DYSF: variants seen among roughly 807,000 people sequenced by gnomAD.
DYSF encodes the protein dystrophy-associated fer-1-like 1.
DYSF carries 212 observed loss-of-function variants against 274.9 expected under a neutral mutation model. That is an observed-to-expected ratio of 0.77 (90% CI 0.69 to 0.86). The LOEUF is 0.86. DYSF is among the 40% of genes least tolerant of loss of function. The probability of loss-of-function intolerance (pLI) is 0.00; values close to 1 mark genes in which losing one functional copy is unlikely to be tolerated. For synonymous variants in DYSF, 1,091 were observed against 1,078.7 expected, an observed-to-expected ratio of 1.01 and a Z score of -0.22; for missense variants, 2,666 against 2,783.2, an observed-to-expected ratio of 0.96 and a Z score of 0.95.
At chr2:71,664,159 G>C in intron 45 of DYSF, 109 bp from the exon 46 acceptor site, 1 of 1,392,990 alleles carries the variant, frequency 7.2e-7, no homozygotes, top group African/African-American at 1.4e-5. Context: ...GATCTGTAGG[G>C]GGCCCAAGGA....
intron 1 of DYSF, among the ~76,000 whole-genome samples, chr2:71,478,320 T>C (rs1443253007): frequency 1.3e-5 from 2 of 151,748 alleles, no homozygotes; most frequent in Non-Finnish European, 2.9e-5. Flanking sequence ...CACGCCATTC[T>C]CCTGCCTCAG....
Position 71,664,403 on chromosome 2 carries a change from T to G in DYSF, c.5139T>G (p.Phe1713Leu), listed in dbSNP as rs1305077427. 5.6e-6 allele frequency: 9 copies of G among 1,614,140 alleles called. No individual in the cohort carries two copies. Among genetic ancestry groups the G allele is most frequent in the Non-Finnish European group, 7.6e-6 (9 of 1,180,008 alleles). The change falls in exon 46 of 56, where the codon TTT becomes TTG. Residue 1713 changes from phenylalanine to leucine, a missense_variant. Transcript: ENST00000410020. ...TGGAGAACAGGCTGCTGTCCAAGTT[T>G]GGGGCTCGCTGTGGACTCCCACAGA... ...VDLENRLLSK[F>L]GARCGLPQTY...
chr2:71,639,043 C>G (rs2094449524), intron 41 of DYSF, among the ~76,000 whole-genome samples: 1 of 152,158 alleles, frequency 6.6e-6, no homozygotes, highest in Admixed American at 6.5e-5. Context: ...GAAGTGGTTT[C>G]TCATTGAGGT....
intron 3 of DYSF, among the ~76,000 whole-genome samples, chr2:71,486,026 C>A (rs1192492010): frequency 6.6e-6 from 1 of 152,170 alleles, no homozygotes; most frequent in Non-Finnish European, 1.5e-5. Flanking sequence ...CCCTCCAGTC[C>A]TGCCTGTTGG....
At chr2:71,656,368 G>T (rs912817496) in intron 43 of DYSF, 78 bp downstream of exon 43, 2 of 1,589,524 alleles carry the variant, frequency 1.3e-6, no homozygotes, top group Non-Finnish European at 1.7e-6. Flanking sequence ...GGGAGGGGTC[G>T]TACCTACACT....
chr2:71,520,768 AG>A lies in DYSF; in HGVS notation c.1034-20del. On this transcript the variant is annotated intron_variant, in intron 11 of 55. Transcript: ENST00000410020. ...GGGGTCTTCTGATTCTGGGATCACC[AG>A]AGGATGTTGTCTCTCTTAGGGCACG... 1 of 1,610,188 alleles carries A rather than the reference AG, an allele frequency of 6.2e-7. No homozygotes were observed. Among genetic ancestry groups the A allele is most frequent in the African/African-American group, 1.3e-5 (1 of 74,932 alleles).
chr2:71,493,015 G>T (rs908408667), intron 3 of DYSF, among the ~76,000 whole-genome samples: 2 of 151,814 alleles, frequency 1.3e-5, no homozygotes, highest in African/African-American at 4.8e-5. Flanking sequence ...CCAAGTAGCT[G>T]GGACCACAGG....
chr2:71,576,320 CAAG>C (rs1274019856), intron 30 of DYSF: 1 of 152,392 alleles, frequency 6.6e-6, no homozygotes, highest in Non-Finnish European at 1.5e-5. Context: ...GAGTTGTTGA[CAAG>C]AAGAGTGCTC....
chr2:71,610,941 C>T (rs1238392931), intron 36 of DYSF: 3 of 438,558 alleles, frequency 6.8e-6, no homozygotes, highest in Non-Finnish European at 1.3e-5. Flanking sequence ...AGGGGCAGAC[C>T]CGGAGCAGCT....
At chr2:71,495,212 C>T (rs1339638071) in intron 3 of DYSF, among the ~76,000 whole-genome samples, 1 of 152,248 alleles carries the variant, frequency 6.6e-6, no homozygotes, top group East Asian at 1.9e-4. Flanking sequence ...CCAGTACCTA[C>T]AACCGTACCT....
At chr2:71,591,714 C>G (rs1029265148) in intron 32 of DYSF, among the ~76,000 whole-genome samples, 1 of 152,248 alleles carries the variant, frequency 6.6e-6, no homozygotes, top group Admixed American at 6.5e-5. Context: ...GAGTGACTTC[C>G]TGGTCACAGC....
chr2:71,567,381 A>G (rs1362397871), intron 24 of DYSF, among the ~76,000 whole-genome samples: 2 of 152,222 alleles, frequency 1.3e-5, no homozygotes, highest in African/African-American at 4.8e-5. Context: ...GTATCATTGT[A>G]TCTCCTTTAG....
At chr2:71,637,102 C>T (rs72904606) in intron 41 of DYSF, among the ~76,000 whole-genome samples, 4,049 of 152,112 alleles carry the variant, frequency 0.027, 151 homozygotes, top group African/African-American at 0.087. Flanking sequence ...TATAAAGGGG[C>T]GAAGGTAATG....
chr2:71,660,431 C>T, intron 44 of DYSF, 129 bp from the exon 45 acceptor site: 1 of 786,238 alleles, frequency 1.3e-6, no homozygotes, highest in Non-Finnish European at 2.2e-6. Context: ...CCTGTCTTGG[C>T]AGGACACAGC....
intron 3 of DYSF, 85 bp downstream of exon 3, chr2:71,482,055 A>T: frequency 1.8e-6 from 2 of 1,139,122 alleles, no homozygotes; most frequent in South Asian, 1.3e-5. Context: ...CCCAGGCCCC[A>T]GGGAGCTGGG....
intron 36 of DYSF, among the ~76,000 whole-genome samples, chr2:71,605,313 C>A (rs2152864984): frequency 6.6e-6 from 1 of 152,312 alleles, no homozygotes; most frequent in South Asian, 2.1e-4. Context: ...GGAATGAGTT[C>A]AAAGAAACTG....
chr2:71,469,438 T>C (rs184461962), intron 1 of DYSF, among the ~76,000 whole-genome samples: 3 of 137,818 alleles, frequency 2.2e-5, no homozygotes, highest in African/African-American at 7.9e-5. Context: ...CCAGGTGTTT[T>C]GAATGTGCAG....
chr2:71,555,983 G>C lies in DYSF; in HGVS notation c.2128G>C (p.Val710Leu). The change falls in exon 22 of 56, where the codon GTC becomes CTC. Residue 710 changes from valine (V) to leucine (L), a missense_variant. By Grantham distance (32) the Val-to-Leu change is conservative. Around this residue, in one of 3 missense-constraint regions of DYSF, gnomAD observed 412 missense variants for 504.0 expected, o/e 0.82. Transcript: ENST00000410020. The stretch of plus-strand genomic sequence containing the variant: ...TCCACAGGAAGCTGGCCTGGAGCAG[G>C]TCCACCTGGCCCTGAAGGCGCAGTG... ...ADRLEAGLEQ[V>L]HLALKAQCST... is the part of the protein sequence containing the mutation. The C allele has an allele frequency of 6.4e-7, 1 of 1,565,022 alleles. No individual in the cohort carries two copies. The highest frequency in any genetic ancestry group is 8.7e-7 in the Non-Finnish European group (1 of 1,154,446).
In DYSF at chr2:71,526,358, G is replaced by A. The variant is rs906028906; in HGVS notation, c.1276+12G>A. ...GGACTTGCCGCAGAGTGCGTGGGGCGCGCCCTTGGGTGGGAGGTCTGCAGG... is the reference window on the plus strand; with the variant it reads ...GGACTTGCCGCAGAGTGCGTGGGGCACGCCCTTGGGTGGGAGGTCTGCAGG... On this transcript the variant is annotated intron_variant, in intron 13 of 55. Transcript: ENST00000410020. 4 of 1,612,334 alleles carry A rather than the reference G, an allele frequency of 2.5e-6. No homozygotes were observed. The highest frequency in any genetic ancestry group is 2.2e-5 in the South Asian group (2 of 91,030).
Sources: allele counts gnomAD v4.1 joint callset (sites outside exome capture counted in the v4.1 genomes callset), GRCh38; gene constraint gnomAD v4.1.1; regional missense constraint gnomAD v4.1.1; transcripts MANE v1.5; gene names NCBI Gene and HGNC (gene_info 2026-07-23, HGNC 2026-07-21).